Variants in ADGRV1 observed in about 807,000 individuals in gnomAD.
ADGRV1 encodes adhesion G protein-coupled receptor V1.
A neutral mutation model predicts 596.2 loss-of-function variants in ADGRV1; 359 were observed. That is an observed-to-expected ratio of 0.60 (90% CI 0.55 to 0.66). The LOEUF (loss-of-function observed/expected upper bound fraction) is 0.66. Ranked by LOEUF, ADGRV1 falls within the 30% of genes least tolerant of loss-of-function variation. ADGRV1 has a pLI of 0.00. For missense variants in ADGRV1, 7,274 were observed against 7,575.6 expected (o/e 0.96, Z 1.48); for synonymous variants, 2,681 against 2,679.2 (o/e 1.00, Z -0.02).
At chr5:91,011,476 A>G (rs1195348465) in intron 85 of ADGRV1, among the ~76,000 whole-genome samples, 1 of 151,946 alleles carries the variant, frequency 6.6e-6, no homozygotes, top group Non-Finnish European at 1.5e-5. Context: ...AACAAGCACT[A>G]CTGCCTAGAT....
At chr5:90,737,164 T>A (rs189367032) in intron 50 of ADGRV1, among the ~76,000 whole-genome samples, 2 of 152,046 alleles carry the variant, frequency 1.3e-5, no homozygotes, top group Admixed American at 1.3e-4. Flanking sequence ...ATTTTTGTCA[T>A]AAGGTATCTT....
intron 1 of ADGRV1, among the ~76,000 whole-genome samples, chr5:90,603,320 A>G (rs960464416): frequency 6.6e-6 from 1 of 152,188 alleles, no homozygotes; most frequent in Non-Finnish European, 1.5e-5. Context: ...TAAGTTCTCA[A>G]TGTTTCCATC....
chr5:91,093,314 A>G (rs1033528934), intron 86 of ADGRV1, among the ~76,000 whole-genome samples: 1 of 152,186 alleles, frequency 6.6e-6, no homozygotes, highest in African/African-American at 2.4e-5. Flanking sequence ...ATCTTAAACG[A>G]CTAGTGTACC....
intron 64 of ADGRV1, among the ~76,000 whole-genome samples, chr5:90,780,401 A>G (rs1190409741): frequency 6.6e-6 from 1 of 152,116 alleles, no homozygotes; most frequent in Non-Finnish European, 1.5e-5. Context: ...CCAACTTTCA[A>G]CCTTTCAACT....
chr5:90,908,994 G>A (rs1336281238), intron 83 of ADGRV1, among the ~76,000 whole-genome samples: 2 of 152,124 alleles, frequency 1.3e-5, no homozygotes, highest in Admixed American at 6.6e-5. Context: ...AGTATATTGC[G>A]GGAGATTGGG....
intron 78 of ADGRV1, among the ~76,000 whole-genome samples, chr5:90,846,227 CAT>C (rs1202369476): frequency 6.6e-6 from 1 of 150,818 alleles, no homozygotes; most frequent in African/African-American, 2.5e-5. Context: ...GTGTAAGAAT[CAT>C]AGAGCTTGAA....
Position 91,066,053 on chromosome 5 carries a change from T to C in ADGRV1, c.18153-6394T>C, listed in dbSNP as rs150156900. On this transcript the variant is annotated intron_variant, in intron 85 of 89. Transcript: ENST00000405460. ...TTCTTTGAAGCTGGTTGAGCTGCAA[T>C]TACAGAGAACACATTCTCCTCACCT... is the stretch of plus-strand genomic sequence containing the variant. 4.6e-4 allele frequency among the ~76,000 whole-genome samples: 70 copies of C among 152,310 alleles called. No individual in the cohort carries two copies. In the East Asian group the frequency reaches 0.012, roughly 26 times the overall value.
At chr5:91,020,726 C>A (rs149680125) in intron 85 of ADGRV1, among the ~76,000 whole-genome samples, 1 of 151,906 alleles carries the variant, frequency 6.6e-6, no homozygotes, top group Non-Finnish European at 1.5e-5. Context: ...GGAAGGCATG[C>A]GAGCTTGATA....
At chr5:90,905,694 C>A (rs1041686825) in intron 83 of ADGRV1, among the ~76,000 whole-genome samples, 3 of 151,998 alleles carry the variant, frequency 2.0e-5, no homozygotes, top group Non-Finnish European at 1.5e-5. Context: ...AATTTGACTT[C>A]TTTTTTTCCA....
rs201594504 is a variant in ADGRV1 at position 91,087,292 on chromosome 5, GTTGTTTT to G, written c.18310+14699_18310+14705del. Among the ~76,000 whole-genome samples, 797 of 152,062 alleles carry G rather than the reference GTTGTTTT, an allele frequency of 5.2e-3. 2 individuals are homozygous for G. Among genetic ancestry groups the G allele is most frequent in the East Asian group, 0.019 (100 of 5,176 alleles). On this transcript the variant is annotated intron_variant, in intron 86 of 89. Transcript: ENST00000405460. ...TGCACAACTATATAATCTTTTTGTT[GTTGTTTT>G]TTGTTTTTTGAGACGGAGTCTCACT...
chr5:90,633,771 A>G (rs1765797658), intron 9 of ADGRV1, among the ~76,000 whole-genome samples: 1 of 152,166 alleles, frequency 6.6e-6, no homozygotes, highest in Non-Finnish European at 1.5e-5. Context: ...ATATGCCAAT[A>G]CTTGACAAAA....
At chr5:91,060,380 A>ATG (rs1562160223) in intron 85 of ADGRV1, among the ~76,000 whole-genome samples, 18 of 142,510 alleles carry the variant, frequency 1.3e-4, no homozygotes, top group African/African-American at 4.9e-4. Context: ...GTGTGTGTGT[A>ATG]TATATATATA....
intron 59 of ADGRV1, among the ~76,000 whole-genome samples, chr5:90,771,794 A>T (rs1757718892): frequency 6.6e-6 from 1 of 152,224 alleles, no homozygotes; most frequent in South Asian, 2.1e-4. Context: ...AAGGGATTCC[A>T]GGTTCACATG....
intron 1 of ADGRV1, among the ~76,000 whole-genome samples, chr5:90,613,059 C>T (rs1170439946): frequency 6.6e-6 from 1 of 152,124 alleles, no homozygotes; most frequent in Non-Finnish European, 1.5e-5. Flanking sequence ...ATTTTGAGAA[C>T]TGTTCTTACT....
chr5:91,150,214 TGGA>T lies in ADGRV1; in HGVS notation c.18623_18624+1del, dbSNP rs1243455138. 2 of 1,562,434 alleles carry T rather than the reference TGGA, an allele frequency of 1.3e-6. No homozygotes were observed. The highest frequency in any genetic ancestry group is 1.7e-6 in the Non-Finnish European group (2 of 1,154,546). ...TCCACCCAGAATCTCATCGGTGCTATGGAGGAGGTGTCTGCCCTTGCCCTTTCA... is the reference window on the plus strand; with the variant it reads ...TCCACCCAGAATCTCATCGGTGCTATGGAGGTGTCTGCCCTTGCCCTTTCA... On this transcript the variant is annotated inframe_deletion, in exon 88 of 90. Transcript: ENST00000405460.
intron 9 of ADGRV1, among the ~76,000 whole-genome samples, chr5:90,634,705 G>A (rs913489156): frequency 1.3e-5 from 2 of 152,152 alleles, no homozygotes; most frequent in Non-Finnish European, 2.9e-5. Context: ...TGGTGGCACT[G>A]CTGATGATAC....
At chr5:90,755,822 A>G (rs1201913271) in intron 55 of ADGRV1, among the ~76,000 whole-genome samples, 1 of 148,526 alleles carries the variant, frequency 6.7e-6, no homozygotes, top group Non-Finnish European at 1.5e-5. Flanking sequence ...TATATATTAT[A>G]TACCATAGAA....
chr5:90,629,303 C>T lies in ADGRV1; in HGVS notation c.1603C>T (p.Arg535Ter), dbSNP rs746004086. 7.4e-6 allele frequency: 12 copies of T among 1,613,324 alleles called. No individual in the cohort carries two copies. The highest frequency in any genetic ancestry group is 1.3e-5 in the African/African-American group (1 of 74,930). Residue 535 changes from arginine to a stop codon, truncating the protein, a stop_gained, in exon 9 of 90, where the codon CGA (arginine) becomes TGA (stop). Coordinates refer to ENST00000405460, the MANE Select transcript of ADGRV1 (RefSeq NM_032119.4). LOFTEE classifies it high-confidence loss of function. Reference protein sequence around the residue: ...NQKIESSPGERYLSLSFTRLG... With the variant: ...NQKIESSPGE Reference sequence around the variant, plus strand: ...GAAGATTGAAAGCAGCCCAGGTGAACGATACTTATCCTTGAGTTTTACAAG... The same window carrying T: ...GAAGATTGAAAGCAGCCCAGGTGAATGATACTTATCCTTGAGTTTTACAAG...
At chr5:91,131,529 T>G (rs1794218044) in intron 87 of ADGRV1, among the ~76,000 whole-genome samples, 1 of 151,870 alleles carries the variant, frequency 6.6e-6, no homozygotes, top group African/African-American at 2.4e-5. Context: ...CGGCTCACTG[T>G]AACCTCTGCC....
Sources: allele counts gnomAD v4.1 joint callset (sites outside exome capture counted in the v4.1 genomes callset), GRCh38; gene constraint gnomAD v4.1.1; transcripts MANE v1.5; gene names NCBI Gene and HGNC (gene_info 2026-07-23, HGNC 2026-07-21).